Variants in EXOC6B observed in about 807,000 individuals in gnomAD.
EXOC6B encodes SEC15 homolog B.
A neutral mutation model predicts 113.5 loss-of-function variants in EXOC6B; 54 were observed. The ratio of observed to expected loss-of-function variants is 0.48; its 90% CI spans 0.38 to 0.60. EXOC6B has a LOEUF of 0.60. EXOC6B is among the 20% of genes least tolerant of loss of function. EXOC6B has a pLI of 0.00. For missense variants in EXOC6B, 797 were observed against 977.5 expected, an observed-to-expected ratio of 0.82 and a Z score of 2.46; for synonymous variants, 357 against 339.0, an observed-to-expected ratio of 1.05 and a Z score of -0.58.
At chr2:72,818,970 T>G (rs781732197) in intron 1 of EXOC6B, among the ~76,000 whole-genome samples, 17 of 152,206 alleles carry the variant, frequency 1.1e-4, no homozygotes, top group Non-Finnish European at 2.5e-4. Flanking sequence ...CACTACATTA[T>G]ATATTTATTC....
chr2:72,300,873 G>A (rs560471653), intron 20 of EXOC6B, among the ~76,000 whole-genome samples: 1 of 152,118 alleles, frequency 6.6e-6, no homozygotes, highest in East Asian at 1.9e-4. Context: ...TGTCCAACCA[G>A]TCCCAATGAG....
chr2:72,183,123 T>G (rs184503952), intron 21 of EXOC6B, among the ~76,000 whole-genome samples: 9 of 152,308 alleles, frequency 5.9e-5, no homozygotes, highest in African/African-American at 1.9e-4. Context: ...TGACCTCTCC[T>G]TCTGCTTAAG....
intron 1 of EXOC6B, among the ~76,000 whole-genome samples, chr2:72,804,181 T>C (rs1685452906): frequency 6.6e-6 from 1 of 152,202 alleles, no homozygotes. Context: ...CTAGTGATTC[T>C]AGGATGTAGA....
chr2:72,217,580 G>A (rs1028117972), intron 20 of EXOC6B, among the ~76,000 whole-genome samples: 6 of 152,236 alleles, frequency 3.9e-5, no homozygotes, highest in African/African-American at 1.4e-4. Flanking sequence ...TAATGGCCAA[G>A]ACATGGTCTT....
intron 20 of EXOC6B, among the ~76,000 whole-genome samples, chr2:72,244,248 A>T (rs1358670401): frequency 6.6e-6 from 1 of 152,202 alleles, no homozygotes; most frequent in African/African-American, 2.4e-5. Context: ...TAAAAAAGAA[A>T]GATGGCTGAG....
At chr2:72,274,598 ATG>A (rs1167472380) in intron 20 of EXOC6B, among the ~76,000 whole-genome samples, 1 of 152,146 alleles carries the variant, frequency 6.6e-6, no homozygotes, top group African/African-American at 2.4e-5. Context: ...GCAGGTTTAT[ATG>A]TGTGTCCTAA....
chr2:72,418,063 TTCTTA>T (rs1278217664), intron 18 of EXOC6B, among the ~76,000 whole-genome samples: 1 of 152,182 alleles, frequency 6.6e-6, no homozygotes, highest in African/African-American at 2.4e-5. Context: ...TTACCACAGT[TTCTTA>T]TCTTCTCTAA....
At chr2:72,621,036 G>A (rs771442819) in intron 6 of EXOC6B, among the ~76,000 whole-genome samples, 6 of 152,128 alleles carry the variant, frequency 3.9e-5, no homozygotes, top group Non-Finnish European at 5.9e-5. Context: ...AAAAGGGAAC[G>A]CTTATACACT....
At chr2:72,762,089 C>A (rs1297433798) in intron 1 of EXOC6B, among the ~76,000 whole-genome samples, 1 of 151,682 alleles carries the variant, frequency 6.6e-6, no homozygotes, top group East Asian at 1.9e-4. Flanking sequence ...ACAAAAAATA[C>A]AAAAATTAGC....
At position 72,591,465 on chromosome 2, in the gene EXOC6B, C is replaced by T. The variant is rs544842606; in HGVS notation, c.670-15797G>A. ...ATCATATTCCTAAGAAACAATATTA[C>T]CAAAAGCAGCCTTTCTATAAGAAGA... On this transcript the variant is annotated intron_variant, in intron 6 of 21. Coordinates refer to ENST00000272427, the MANE Select transcript of EXOC6B (RefSeq NM_015189.3). Among the ~76,000 whole-genome samples, 4 of 152,110 alleles carry T rather than the reference C, an allele frequency of 2.6e-5. No individual in the cohort carries two copies. The East Asian group carries it at 7.7e-4, about 29-fold the overall frequency.
At chr2:72,565,985 G>GA (rs35125311) in intron 7 of EXOC6B, among the ~76,000 whole-genome samples, 4 of 150,742 alleles carry the variant, frequency 2.7e-5, no homozygotes, top group African/African-American at 9.7e-5. Context: ...CAACCACACG[G>GA]AAAAAATAGT....
At chr2:72,317,060 G>A (rs1687555603) in intron 20 of EXOC6B, among the ~76,000 whole-genome samples, 1 of 152,072 alleles carries the variant, frequency 6.6e-6, no homozygotes, top group Non-Finnish European at 1.5e-5. Context: ...GCTGGAACCA[G>A]ACCTGCTTTG....
chr2:72,765,843 G>T (rs564188619), intron 1 of EXOC6B, among the ~76,000 whole-genome samples: 1 of 152,206 alleles, frequency 6.6e-6, no homozygotes, highest in East Asian at 1.9e-4. Context: ...TGAAGTTCCC[G>T]GGAAAGGGAA....
intron 6 of EXOC6B, among the ~76,000 whole-genome samples, chr2:72,689,657 G>A (rs1398958179): frequency 6.6e-6 from 1 of 152,118 alleles, no homozygotes; most frequent in Non-Finnish European, 1.5e-5. Context: ...GCTGTGCCAG[G>A]ATCCTTACTC....
chr2:72,484,016 AC>A (rs1699267530), intron 16 of EXOC6B, among the ~76,000 whole-genome samples: 1 of 152,254 alleles, frequency 6.6e-6, no homozygotes, highest in Non-Finnish European at 1.5e-5. Context: ...ACTATCTCTC[AC>A]AAGTAAATGA....
intron 18 of EXOC6B, among the ~76,000 whole-genome samples, chr2:72,409,373 A>G (rs916747990): frequency 4.6e-5 from 7 of 152,204 alleles, no homozygotes; most frequent in African/African-American, 1.7e-4. Context: ...CTGGGTATAT[A>G]CCCAAAGGAT....
intron 6 of EXOC6B, among the ~76,000 whole-genome samples, chr2:72,648,035 C>T (rs1485499992): frequency 6.6e-6 from 1 of 152,170 alleles, no homozygotes; most frequent in African/African-American, 2.4e-5. Context: ...ATCCATCTGA[C>T]AAAGGGCTAA....
chr2:72,569,737 A>C (rs1326853332), intron 7 of EXOC6B, among the ~76,000 whole-genome samples: 1 of 152,168 alleles, frequency 6.6e-6, no homozygotes, highest in African/African-American at 2.4e-5. Flanking sequence ...CTTATCAAGG[A>C]ATCATCTTCA....
intron 6 of EXOC6B, among the ~76,000 whole-genome samples, chr2:72,577,494 G>A (rs1287921699): frequency 1.3e-5 from 2 of 151,928 alleles, no homozygotes; most frequent in East Asian, 1.9e-4. Flanking sequence ...AAAACCAAAC[G>A]ATTTCATAAG....
Sources: gnomAD v4.1 joint callset for allele counts (sites outside exome capture counted in the v4.1 genomes callset) on GRCh38, gnomAD v4.1.1 for gene constraint, MANE v1.5 for transcripts, NCBI Gene and HGNC (gene_info 2026-07-23, HGNC 2026-07-21) for gene names.